The following SPAG5 variants were observed in gnomAD, a reference collection of about 807,000 sequenced individuals.
SPAG5 encodes sperm associated antigen 5, also known as sperm-associated antigen 5.
SPAG5 carries 99 observed loss-of-function variants against 145.4 expected under a neutral mutation model. The ratio of observed to expected loss-of-function variants is 0.68; its 90% CI spans 0.58 to 0.80. SPAG5 has a LOEUF of 0.80. Among genes scored for constraint, SPAG5 ranks in the 30% least tolerant of loss-of-function variants. The pLI, the probability that SPAG5 is intolerant of heterozygous loss-of-function variation, is 0.00. For missense variants in SPAG5, 1,192 were observed against 1,416.0 expected (o/e 0.84, Z 2.54); for synonymous variants, 477 against 525.4 (o/e 0.91, Z 1.26).
At chr17:28,590,897 A>G (rs989817843) in intron 4 of SPAG5, among the ~76,000 whole-genome samples, 3 of 150,126 alleles carry the variant, frequency 2.0e-5, no homozygotes, top group Admixed American at 6.7e-5. Context: ...AAAAAAACTA[A>G]AAGTATAATT....
intron 2 of SPAG5, among the ~76,000 whole-genome samples, 163 bp from the exon 3 acceptor site, chr17:28,593,229 AG>A: frequency 6.6e-6 from 1 of 152,358 alleles, no homozygotes; most frequent in East Asian, 1.9e-4. Context: ...ACCCAATAGT[AG>A]GGAAAGAAAA....
At chr17:28,595,058 G>A (rs897019302) in intron 2 of SPAG5, among the ~76,000 whole-genome samples, 2 of 152,058 alleles carry the variant, frequency 1.3e-5, no homozygotes, top group East Asian at 3.9e-4. Context: ...AGGAGTTCGA[G>A]TGCAGCTGGG....
In SPAG5 at chr17:28,592,654, G is replaced by A. The variant is rs1359616332; in HGVS notation, c.590C>T (p.Ser197Phe). 1.2e-6 allele frequency: 2 copies of A among 1,614,148 alleles called. No individual in the cohort carries two copies. Among genetic ancestry groups the A allele is most frequent in the Admixed American group, 3.3e-5 (2 of 60,020 alleles). The change falls in exon 3 of 24, where the codon TCT becomes TTT. Residue 197 changes from serine (S) to phenylalanine (F), a missense_variant. Coordinates refer to ENST00000321765, the MANE Select transcript of SPAG5 (RefSeq NM_006461.4). The part of the protein sequence containing the change: ...AVSEKPIFQE[S>F]PSHLLEESPP... ...AGACTCCTCTAAGAGATGGGACGGA[G>A]ATTCCTGAAAGATAGGTTTCTCAGA...
intron 2 of SPAG5, 60 bp downstream of exon 2, chr17:28,598,450 C>T: frequency 6.4e-7 from 1 of 1,573,874 alleles, no homozygotes; most frequent in Non-Finnish European, 8.6e-7. Flanking sequence ...GCCCTCTGTT[C>T]CCCTGAGCTC....
chr17:28,587,051 A>G (rs1392119368), intron 4 of SPAG5, among the ~76,000 whole-genome samples: 1 of 152,122 alleles, frequency 6.6e-6, no homozygotes, highest in Admixed American at 6.5e-5. Flanking sequence ...CTTTCCTATT[A>G]AAAGCAGAAG....
intron 2 of SPAG5, 82 bp downstream of exon 2, chr17:28,598,428 A>G: frequency 6.8e-7 from 1 of 1,472,924 alleles, no homozygotes; most frequent in Non-Finnish European, 9.1e-7. Flanking sequence ...GTTATTAATT[A>G]TTGTAGCCCT....
chr17:28,594,558 G>A (rs2151523430), intron 2 of SPAG5, among the ~76,000 whole-genome samples: 1 of 152,264 alleles, frequency 6.6e-6, no homozygotes, highest in South Asian at 2.1e-4. Context: ...TCGTGACACT[G>A]CACTCCAGCC....
In SPAG5 at chr17:28,585,658, T is replaced by C. The variant is rs2070579830; in HGVS notation, c.1741-5A>G. 1 of 1,613,380 alleles carries C rather than the reference T, an allele frequency of 6.2e-7. No homozygotes were observed. On this transcript the variant is annotated splice_polypyrimidine_tract_variant and splice_region_variant and intron_variant, in intron 7 of 23. Transcript: ENST00000321765. Reference sequence around the variant, plus strand: ...AGCCTCCAACACTATCTCTGCCTATTGAGGGAAGTGGTTGCAAGGCCACAG... The same window carrying C: ...AGCCTCCAACACTATCTCTGCCTATCGAGGGAAGTGGTTGCAAGGCCACAG...
rs1051427944 is a variant in SPAG5 at position 28,578,501 on chromosome 17, T to C, written c.3226A>G (p.Thr1076Ala). The change falls in exon 21 of 24, where the codon ACC (threonine) becomes GCC (alanine). Residue 1076 changes from threonine to alanine, a missense_variant. By Grantham distance (58) the Thr-to-Ala change is moderately conservative. Around this residue, in one of 5 missense-constraint regions of SPAG5, gnomAD observed 709 missense variants for 840.7 expected, o/e 0.84. Transcript: ENST00000321765. ...ISLREEVTHL[T>A]RSLRRAETET... ...GTCTCCGCACGCCGAAGTGAGCGGG[T>C]AAGGTGGGTCACCTCCTCTCTAAGG... 6.2e-6 allele frequency: 10 copies of C among 1,611,298 alleles called. No homozygotes were observed. The African/African-American group carries it at 1.2e-4, about 19-fold the overall frequency.
intron 2 of SPAG5, among the ~76,000 whole-genome samples, chr17:28,596,860 C>G (rs1567627790): frequency 2.0e-5 from 3 of 152,060 alleles, no homozygotes; most frequent in Non-Finnish European, 4.4e-5. Flanking sequence ...AATCCCAGCA[C>G]TTTGGAAGGC....
intron 16 of SPAG5, 26 bp from the exon 17 acceptor site, chr17:28,579,863 A>AG: frequency 4.4e-6 from 7 of 1,605,542 alleles, no homozygotes; most frequent in Non-Finnish European, 6.0e-6. Flanking sequence ...ATAATGGGAG[A>AG]GGGCCCCTCT....
Position 28,579,448 on chromosome 17 carries a change from A to G in SPAG5, c.2922T>C (p.Ser974=), listed in dbSNP as rs1338673529. The G allele has an allele frequency of 1.2e-6, 2 of 1,613,790 alleles. No individual in the cohort carries two copies. The highest frequency in any genetic ancestry group is 8.5e-7 in the Non-Finnish European group (1 of 1,179,956). Residue 974 remains serine (S), a synonymous_variant, in exon 18 of 24, where the codon AGT becomes AGC. Coordinates refer to ENST00000321765, the MANE Select transcript of SPAG5 (RefSeq NM_006461.4). ...PGMEESLAEM[S]IMTTELQSLC... ...GACTCTGAAGCTCAGTAGTCATAATACTCATTTCTGCCAGGCTCTCCTCCA... is the reference window on the plus strand; with the variant it reads ...GACTCTGAAGCTCAGTAGTCATAATGCTCATTTCTGCCAGGCTCTCCTCCA...
At chr17:28,585,295 G>C in intron 9 of SPAG5, 24 bp downstream of exon 9, 1 of 1,611,760 alleles carries the variant, frequency 6.2e-7, no homozygotes, top group Non-Finnish European at 8.5e-7. Flanking sequence ...TAAGGAATTA[G>C]TTATGATGGT....
chr17:28,584,039 G>A, intron 13 of SPAG5, 53 bp from the exon 14 acceptor site: 2 of 1,610,550 alleles, frequency 1.2e-6, no homozygotes, highest in Non-Finnish European at 1.7e-6. Context: ...TAGTGCCCTG[G>A]GTACAGAGGC....
chr17:28,582,211 A>T (rs1441293206), intron 15 of SPAG5, among the ~76,000 whole-genome samples: 1 of 152,074 alleles, frequency 6.6e-6, no homozygotes, highest in Non-Finnish European at 1.5e-5. Flanking sequence ...GCTGCTTCCC[A>T]TTCCTCAGAC....
intron 15 of SPAG5, 37 bp downstream of exon 15, chr17:28,583,474 C>A: frequency 1.3e-6 from 2 of 1,529,158 alleles, no homozygotes; most frequent in East Asian, 2.3e-5. Context: ...AATAAAGATA[C>A]AATTGGAAGA....
At chr17:28,587,853 T>C (rs1008672801) in intron 4 of SPAG5, among the ~76,000 whole-genome samples, 2 of 152,234 alleles carry the variant, frequency 1.3e-5, no homozygotes, top group African/African-American at 2.4e-5. Flanking sequence ...CAATTTGCAT[T>C]TTTTATTGCC....
In SPAG5 at chr17:28,594,684, T is replaced by C. The variant is rs1400955176; in HGVS notation, c.178-1618A>G. Among the ~76,000 whole-genome samples, 4 of 152,198 alleles carry C rather than the reference T, an allele frequency of 2.6e-5. No homozygotes were observed. The East Asian group carries it at 7.7e-4, about 29-fold the overall frequency. On this transcript the variant is annotated intron_variant, in intron 2 of 23. Transcript: ENST00000321765. ...AACCAAGGTTAGGTTAAAAAGGGCT[T>C]CTGATATTCTGGTACTGTCCTACTT...
Position 28,584,146 on chromosome 17 carries a change from T to A in SPAG5, c.2412+4A>T. 1 of 1,613,950 alleles carries A rather than the reference T, an allele frequency of 6.2e-7. No homozygotes were observed. The highest frequency in any genetic ancestry group is 8.5e-7 in the Non-Finnish European group (1 of 1,179,946). The stretch of plus-strand genomic sequence containing the variant: ...GCTCCCTTGGCCCAAGCCATATTCC[T>A]TACCTCCAAGGTCTCTTTCAGGTCC... On this transcript the variant is annotated splice_donor_region_variant and intron_variant, in intron 13 of 23. Coordinates refer to ENST00000321765, the MANE Select transcript of SPAG5 (RefSeq NM_006461.4).
Sources: gnomAD v4.1 joint callset for allele counts (sites outside exome capture counted in the v4.1 genomes callset) on GRCh38, gnomAD v4.1.1 for gene constraint, gnomAD v4.1.1 regional missense constraint, MANE v1.5 for transcripts, NCBI Gene and HGNC (gene_info 2026-07-23, HGNC 2026-07-21) for gene names.